Variants in CEP112 observed in about 807,000 individuals in gnomAD.
CEP112 encodes centrosomal protein of 112 kDa.
CEP112 carries 127 observed loss-of-function variants against 153.0 expected under a neutral mutation model. The observed-to-expected ratio is 0.83, with a 90% CI of 0.72 to 0.96. The LOEUF is 0.96. Ranked by LOEUF, CEP112 falls within the 40% of genes least tolerant of loss-of-function variation. The pLI, the probability that CEP112 is intolerant of heterozygous loss-of-function variation, is 0.00. For synonymous variants in CEP112, 358 were observed against 374.4 expected (o/e 0.96, Z 0.51); for missense variants, 1,089 against 1,101.2 (o/e 0.99, Z 0.16).
chr17:66,043,830 AC>A (rs1318997031), intron 12 of CEP112, among the ~76,000 whole-genome samples: 5 of 152,216 alleles, frequency 3.3e-5, no homozygotes, highest in Admixed American at 6.5e-5. Context: ...TGGCAATAAG[AC>A]AACACTAGAC....
chr17:65,721,293 A>G (rs2049874003), intron 23 of CEP112, among the ~76,000 whole-genome samples: 1 of 152,154 alleles, frequency 6.6e-6, no homozygotes, highest in Non-Finnish European at 1.5e-5. Context: ...TACAGGCATG[A>G]GCCACCGCGC....
rs180966431 is a variant in CEP112, at chr17:65,797,757, A to G, written c.2395-47033T>C. Among the ~76,000 whole-genome samples, 8 of 152,310 alleles carry G rather than the reference A, an allele frequency of 5.3e-5. No individual in the cohort carries two copies. In the East Asian group the frequency reaches 1.5e-3, roughly 29 times the overall value. On this transcript the variant is annotated intron_variant, in intron 21 of 26. Coordinates refer to ENST00000535342, the MANE Select transcript of CEP112 (RefSeq NM_001199165.4). ...ATCTGGTTAAGTTTGAAGAGGATTA[A>G]GTCATTTTTTAAGCCCAGTTGAAAG...
intron 12 of CEP112, among the ~76,000 whole-genome samples, chr17:66,033,399 C>T (rs988389055): frequency 6.6e-6 from 1 of 152,174 alleles, no homozygotes; most frequent in African/African-American, 2.4e-5. Context: ...CACTCTCTTG[C>T]AAAACCCTCC....
At chr17:65,999,729 T>A (rs901702970) in intron 17 of CEP112, among the ~76,000 whole-genome samples, 1 of 151,984 alleles carries the variant, frequency 6.6e-6, no homozygotes, top group Admixed American at 6.6e-5. Flanking sequence ...CCATCCTCCA[T>A]CCTGCCATAG....
intron 6 of CEP112, among the ~76,000 whole-genome samples, chr17:66,107,899 G>GTACAAAGC (rs1306770114): frequency 5.3e-5 from 8 of 151,950 alleles, no homozygotes; most frequent in African/African-American, 1.9e-4. Flanking sequence ...TCAAACTATA[G>GTACAAAGC]TACAAAGCTA....
intron 24 of CEP112, among the ~76,000 whole-genome samples, chr17:65,664,565 G>A (rs2143915829): frequency 6.6e-6 from 1 of 152,258 alleles, no homozygotes; most frequent in Admixed American, 6.5e-5. Context: ...ATGTCCATGG[G>A]GAGAACGGAG....
At chr17:66,076,404 G>A (rs1364488163) in intron 8 of CEP112, among the ~76,000 whole-genome samples, 1 of 152,120 alleles carries the variant, frequency 6.6e-6, no homozygotes, top group Non-Finnish European at 1.5e-5. Context: ...AAGACTGTGT[G>A]GGAGCTGGGT....
At chr17:65,875,547 T>C (rs1032376447) in intron 20 of CEP112, among the ~76,000 whole-genome samples, 4 of 152,300 alleles carry the variant, frequency 2.6e-5, no homozygotes, top group South Asian at 4.1e-4. Context: ...CTATAAAAAA[T>C]ATTTAGTTTA....
chr17:65,642,134 T>C (rs941631067), intron 24 of CEP112, among the ~76,000 whole-genome samples: 1 of 152,160 alleles, frequency 6.6e-6, no homozygotes, highest in East Asian at 1.9e-4. Flanking sequence ...TGTGTAGATA[T>C]TGGTGTCTTT....
intron 20 of CEP112, among the ~76,000 whole-genome samples, chr17:65,867,245 T>C (rs913645228): frequency 2.0e-5 from 3 of 152,198 alleles, no homozygotes; most frequent in Non-Finnish European, 4.4e-5. Flanking sequence ...TGCCGGCCTG[T>C]GCACAGCAGC....
chr17:65,841,370 C>A (rs369103114), intron 21 of CEP112, among the ~76,000 whole-genome samples: 1 of 151,962 alleles, frequency 6.6e-6, no homozygotes, highest in South Asian at 2.1e-4. Flanking sequence ...AATTAGATGT[C>A]ATTATGTTAA....
At position 65,721,211 on chromosome 17, in the gene CEP112, C is replaced by T. The variant is rs543280083; in HGVS notation, c.2607+21857G>A. On this transcript the variant is annotated intron_variant, in intron 23 of 26. Transcript: ENST00000535342. ...ATTTTTAGTAGAGACGGGGTCTCAC[C>T]GTGTTAACCAGGATGGTCTCGATCT... Among the ~76,000 whole-genome samples the T allele has an allele frequency of 2.6e-5, 4 of 152,104 alleles. No individual in the cohort carries two copies. The South Asian group carries it at 6.2e-4, about 24-fold the overall frequency.
chr17:65,644,668 C>T (rs1218677950), intron 24 of CEP112: 1 of 153,962 alleles, frequency 6.5e-6, no homozygotes, highest in Non-Finnish European at 1.4e-5. Context: ...AAAAGTCTAT[C>T]CATTGCCTGC....
intron 24 of CEP112, among the ~76,000 whole-genome samples, chr17:65,666,657 G>C (rs1337993207): frequency 6.6e-6 from 1 of 152,094 alleles, no homozygotes; most frequent in African/African-American, 2.4e-5. Context: ...AGCAAGTGTC[G>C]CTCAATTTCC....
chr17:66,020,002 G>A (rs1319581411), intron 16 of CEP112, among the ~76,000 whole-genome samples: 1 of 152,234 alleles, frequency 6.6e-6, no homozygotes, highest in Non-Finnish European at 1.5e-5. Flanking sequence ...AGGATGTAAT[G>A]AAGTTTGGGA....
intron 11 of CEP112, among the ~76,000 whole-genome samples, chr17:66,056,414 AG>A (rs2066689653): frequency 6.6e-6 from 1 of 152,238 alleles, no homozygotes; most frequent in Non-Finnish European, 1.5e-5. Flanking sequence ...TACACCTAAC[AG>A]AATGTAAAAA....
At chr17:66,007,804 T>A (rs968749837) in intron 16 of CEP112, among the ~76,000 whole-genome samples, 1 of 152,158 alleles carries the variant, frequency 6.6e-6, no homozygotes, top group Non-Finnish European at 1.5e-5. Context: ...TACACTGGTG[T>A]TTACTTATAC....
At chr17:65,797,882 A>G (rs1338105833) in intron 21 of CEP112, among the ~76,000 whole-genome samples, 1 of 152,154 alleles carries the variant, frequency 6.6e-6, no homozygotes, top group African/African-American at 2.4e-5. Context: ...CTGATAAATC[A>G]GTGGAGGGAC....
At position 66,086,266 on chromosome 17, in the gene CEP112, A is replaced by C. The variant is rs1290119272; in HGVS notation, c.768+9985T>G. ...TGAGAACATGCACAAGAGTTGTTTT[A>C]TAGGGACATGTAAGGCTCTAACAAA... On this transcript the variant is annotated intron_variant, in intron 8 of 26. Transcript: ENST00000535342. Among the ~76,000 whole-genome samples, 16 of 152,184 alleles carry C rather than the reference A, an allele frequency of 1.1e-4. No individual in the cohort carries two copies. In the East Asian group the frequency reaches 3.1e-3, roughly 29 times the overall value.
Sources: allele counts gnomAD v4.1 joint callset (sites outside exome capture counted in the v4.1 genomes callset), GRCh38; gene constraint gnomAD v4.1.1; transcripts MANE v1.5; gene names NCBI Gene and HGNC (gene_info 2026-07-23, HGNC 2026-07-21).